MGME1: variants seen among roughly 807,000 people sequenced by gnomAD.
MGME1 encodes mitochondrial genome maintenance exonuclease 1, also known as chromosome 20 open reading frame 72.
A neutral mutation model predicts 33.0 loss-of-function variants in MGME1; 22 were observed. That is an observed-to-expected ratio of 0.67 (90% CI 0.48 to 0.95). MGME1 has a LOEUF of 0.95. MGME1 is among the 40% of genes least tolerant of loss of function. MGME1 has a pLI of 0.00. For missense variants in MGME1, 383 were observed against 397.8 expected (o/e 0.96, Z 0.32); for synonymous variants, 133 against 144.0 (o/e 0.92, Z 0.55).
chr20:17,987,249 TCAA>T (rs1402916412), intron 3 of MGME1, among the ~76,000 whole-genome samples: 2 of 151,456 alleles, frequency 1.3e-5, no homozygotes, highest in Non-Finnish European at 2.9e-5. Context: ...ACACAGATTG[TCAA>T]ACTTGGCAAT....
In MGME1 at chr20:17,990,004, T is replaced by C; in HGVS notation, c.930T>C (p.Asp310=). Residue 310 remains aspartate, a synonymous_variant, in exon 5 of 5, where the codon GAT becomes GAC. Transcript: ENST00000377710. The stretch of plus-strand genomic sequence containing the variant: ...CACCTGCCCACCCACATTTCATGGA[T>C]GCAGAGCTCTGTTCCCAGTACTGGA... The part of the protein sequence containing the change: ...DGSPAHPHFM[D]AELCSQYWTK... 1.9e-6 allele frequency: 3 copies of C among 1,614,156 alleles called. No individual in the cohort carries two copies.
intron 3 of MGME1, among the ~76,000 whole-genome samples, chr20:17,985,546 T>A (rs1353155929): frequency 6.6e-6 from 1 of 152,200 alleles, no homozygotes; most frequent in Non-Finnish European, 1.5e-5. Context: ...GTTTATAAAG[T>A]CTATAGTAGT....
At chr20:17,987,862 G>A (rs1252712724) in intron 3 of MGME1, among the ~76,000 whole-genome samples, 1 of 152,034 alleles carries the variant, frequency 6.6e-6, no homozygotes, top group Non-Finnish European at 1.5e-5. Context: ...CAGGATAGGG[G>A]ATGGGGGGAG....
chr20:17,988,159 T>C lies in MGME1; in HGVS notation c.732-7T>C. Reference sequence around the variant, plus strand: ...ACCTACAAAGTCTTCCTGTGGTTTCTCTTTAGGGGCAAGCTCTGTGTGATT... The same window carrying C: ...ACCTACAAAGTCTTCCTGTGGTTTCCCTTTAGGGGCAAGCTCTGTGTGATT... On this transcript the variant is annotated splice_polypyrimidine_tract_variant and splice_region_variant and intron_variant, in intron 3 of 4. Transcript: ENST00000377710. 6.2e-7 allele frequency: 1 copy of C among 1,607,350 alleles called. No individual in the cohort carries two copies. The highest frequency in any genetic ancestry group is 1.1e-5 in the South Asian group (1 of 89,758).
Position 17,990,124 on chromosome 20 carries a change from T to C in MGME1, c.*15T>C. 3 of 1,612,394 alleles carry C rather than the reference T, an allele frequency of 1.9e-6. No homozygotes were observed. The highest frequency in any genetic ancestry group is 2.5e-6 in the Non-Finnish European group (3 of 1,178,410). ...ATTCAGAATAGGGAGCAAGTTGCTA[T>C]TTGGGAACATTCAGCACCTTCTCAC... On this transcript the variant is annotated 3_prime_UTR_variant, in exon 5 of 5. Transcript: ENST00000377710.
intron 3 of MGME1, among the ~76,000 whole-genome samples, chr20:17,981,648 C>CGTGT (rs10677204): frequency 0.086 from 11,975 of 139,666 alleles, 503 homozygotes; most frequent in African/African-American, 0.096. Flanking sequence ...ATCTACTACT[C>CGTGT]GTGTGTGTGT....
At chr20:17,982,376 T>C (rs2036045611) in intron 3 of MGME1, among the ~76,000 whole-genome samples, 1 of 152,212 alleles carries the variant, frequency 6.6e-6, no homozygotes, top group Non-Finnish European at 1.5e-5. Flanking sequence ...CACCTCAGCC[T>C]CCCAAAGTGC....
chr20:17,987,185 AAAAAG>A (rs1164909092), intron 3 of MGME1, among the ~76,000 whole-genome samples: 6 of 151,870 alleles, frequency 4.0e-5, no homozygotes, highest in East Asian at 1.9e-4. Context: ...AAAAAAAAAA[AAAAAG>A]AAGAACCAGG....
At chr20:17,987,940 C>T (rs2036194752) in intron 3 of MGME1, among the ~76,000 whole-genome samples, 1 of 152,102 alleles carries the variant, frequency 6.6e-6, no homozygotes, top group African/African-American at 2.4e-5. Context: ...ATAGTCCCAG[C>T]TACTTGGGAG....
At chr20:17,975,567 A>G in intron 2 of MGME1, 117 bp from the exon 3 acceptor site, 20 of 811,428 alleles carry the variant, frequency 2.5e-5, no homozygotes, top group Non-Finnish European at 3.1e-5. Context: ...AAAAAAAAAA[A>G]AGAAAAAAAA....
chr20:17,974,172 C>A (rs1176068603), intron 2 of MGME1, among the ~76,000 whole-genome samples: 1 of 144,286 alleles, frequency 6.9e-6, no homozygotes, highest in Non-Finnish European at 1.5e-5. Context: ...TCAAGCAATT[C>A]TCCTGCCTCA....
At chr20:17,986,568 C>T (rs2036159741) in intron 3 of MGME1, among the ~76,000 whole-genome samples, 1 of 151,944 alleles carries the variant, frequency 6.6e-6, no homozygotes, top group African/African-American at 2.4e-5. Context: ...CCATGTTGCC[C>T]AGGCTGGTCT....
chr20:17,982,844 T>C (rs2036058310), intron 3 of MGME1, among the ~76,000 whole-genome samples: 1 of 152,230 alleles, frequency 6.6e-6, no homozygotes, highest in South Asian at 2.1e-4. Flanking sequence ...GTATACCTAA[T>C]GGAAAGATTA....
At chr20:17,969,750 A>G (rs1258071726) in intron 1 of MGME1, 51 bp from the exon 2 acceptor site, 2 of 1,113,248 alleles carry the variant, frequency 1.8e-6, no homozygotes, top group African/African-American at 3.1e-5. Context: ...TTTGATGTGC[A>G]ATATCATTCT....
intron 3 of MGME1, among the ~76,000 whole-genome samples, chr20:17,984,151 A>T (rs1195836918): frequency 6.6e-6 from 1 of 152,202 alleles, no homozygotes; most frequent in Non-Finnish European, 1.5e-5. Context: ...TTCCTAACAC[A>T]ATTGACAAAA....
intron 3 of MGME1, 31 bp downstream of exon 3, chr20:17,975,934 A>C (rs983354848): frequency 3.3e-6 from 5 of 1,522,854 alleles, no homozygotes; most frequent in Non-Finnish European, 4.6e-6. Flanking sequence ...GAATTAATAC[A>C]GCGTAGGACA....
rs1342231044 is a variant in MGME1, at chr20:17,990,261, CAA to C, written c.*156_*157del. The C allele has an allele frequency of 1.1e-5, 8 of 728,748 alleles. No individual in the cohort carries two copies. The highest frequency in any genetic ancestry group is 2.4e-4 in the Middle Eastern group (1 of 4,170). The allele number at this position is 728,748 out of a possible 1,614,324, so 45.1% of individuals were successfully genotyped here. Reference sequence around the variant, plus strand: ...TTAATTTGTTGAAATGTGTTGTTACCAAAAAGACTGAAAAGCCCCAAAGTCTA... The same window carrying C: ...TTAATTTGTTGAAATGTGTTGTTACCAAAGACTGAAAAGCCCCAAAGTCTA... On this transcript the variant is annotated 3_prime_UTR_variant, in exon 5 of 5. Transcript: ENST00000377710.
At chr20:17,987,910 A>G (rs2036193754) in intron 3 of MGME1, among the ~76,000 whole-genome samples, 1 of 150,876 alleles carries the variant, frequency 6.6e-6, no homozygotes, top group Non-Finnish European at 1.5e-5. Context: ...AAGAGGGAGA[A>G]AAAGTGGGGG....
rs534134506 is a variant in MGME1 at position 17,981,317 on chromosome 20, A to C, written c.731+5414A>C. ...ATTGGGCTCAGGAGCCAGCTGCTTGAGTTTGGATTCTGGCTTGGCTTTTCA... is the reference window on the plus strand; with the variant it reads ...ATTGGGCTCAGGAGCCAGCTGCTTGCGTTTGGATTCTGGCTTGGCTTTTCA... On this transcript the variant is annotated intron_variant, in intron 3 of 4. Coordinates refer to ENST00000377710, the MANE Select transcript of MGME1 (RefSeq NM_052865.4). Among the ~76,000 whole-genome samples the C allele has an allele frequency of 2.0e-5, 3 of 152,302 alleles. No homozygotes were observed. In the South Asian group the frequency reaches 6.2e-4, roughly 32 times the overall value.
Sources: allele counts gnomAD v4.1 joint callset (sites outside exome capture counted in the v4.1 genomes callset), GRCh38; gene constraint gnomAD v4.1.1; transcripts MANE v1.5; gene names NCBI Gene and HGNC (gene_info 2026-07-23, HGNC 2026-07-21).